Variants in SSBP2 observed in about 807,000 individuals in gnomAD.
The protein encoded by SSBP2 is single-stranded DNA-binding protein 2.
In SSBP2, 17 loss-of-function variants were observed where a neutral mutation model predicts 61.8. That is an observed-to-expected ratio of 0.28 (90% CI 0.19 to 0.41). SSBP2 has a LOEUF of 0.41. Ranked by LOEUF, SSBP2 falls within the 10% of genes least tolerant of loss-of-function variation. SSBP2 has a pLI of 1.00. For missense variants in SSBP2, 310 were observed against 458.7 expected, an observed-to-expected ratio of 0.68 and a Z score of 2.96; for synonymous variants, 139 against 141.3, an observed-to-expected ratio of 0.98 and a Z score of 0.12.
intron 2 of SSBP2, among the ~76,000 whole-genome samples, chr5:81,649,707 A>C (rs917268827): frequency 1.3e-5 from 2 of 151,840 alleles, no homozygotes; most frequent in Non-Finnish European, 2.9e-5. Context: ...TCTATACCCT[A>C]AATCTCAGCA....
At chr5:81,439,427 T>C (rs532818340) in intron 14 of SSBP2, among the ~76,000 whole-genome samples, 1 of 152,262 alleles carries the variant, frequency 6.6e-6, no homozygotes, top group Admixed American at 6.5e-5. Flanking sequence ...TTTCTCACTA[T>C]TGTTAAAATT....
chr5:81,702,365 C>T (rs966221038), intron 1 of SSBP2, among the ~76,000 whole-genome samples: 1 of 151,606 alleles, frequency 6.6e-6, no homozygotes, highest in African/African-American at 2.4e-5. Flanking sequence ...GCGAGACTCC[C>T]ATCTCAAAAA....
At chr5:81,482,857 C>A (rs927713477) in intron 6 of SSBP2, among the ~76,000 whole-genome samples, 1 of 152,170 alleles carries the variant, frequency 6.6e-6, no homozygotes, top group Admixed American at 6.6e-5. Flanking sequence ...TTTGGCTTAT[C>A]TTGGCTTTTG....
chr5:81,745,669 T>C (rs1210703942), intron 1 of SSBP2, among the ~76,000 whole-genome samples: 1 of 152,080 alleles, frequency 6.6e-6, no homozygotes, highest in Non-Finnish European at 1.5e-5. Flanking sequence ...TCCAAAATAA[T>C]TTTGAAATCC....
intron 1 of SSBP2, among the ~76,000 whole-genome samples, chr5:81,748,507 TAA>T (rs1453014464): frequency 1.3e-5 from 2 of 152,118 alleles, no homozygotes; most frequent in Non-Finnish European, 2.9e-5. Flanking sequence ...AAGATGAAAT[TAA>T]GTTTATTCTA....
intron 1 of SSBP2, among the ~76,000 whole-genome samples, chr5:81,742,805 G>A (rs1314070437): frequency 6.6e-6 from 1 of 152,114 alleles, no homozygotes; most frequent in African/African-American, 2.4e-5. Context: ...GAACCTGGGG[G>A]GTGTGTGGAA....
chr5:81,474,671 G>T, intron 6 of SSBP2, 109 bp from the exon 7 acceptor site: 1 of 749,832 alleles, frequency 1.3e-6, no homozygotes, highest in Non-Finnish European at 2.0e-6. Context: ...GAATGCATTT[G>T]AGTATTTCTC....
intron 15 of SSBP2, 67 bp downstream of exon 15, chr5:81,437,363 T>C: frequency 6.9e-7 from 1 of 1,454,588 alleles, no homozygotes; most frequent in Admixed American, 2.2e-5. Context: ...TTTACTCTAA[T>C]AATTTTAATG....
At chr5:81,482,700 T>C (rs183642347) in intron 6 of SSBP2, among the ~76,000 whole-genome samples, 82 of 152,320 alleles carry the variant, frequency 5.4e-4, no homozygotes, top group Admixed American at 2.4e-3. Flanking sequence ...TGATCTTCTG[T>C]CCAGACCATA....
chr5:81,722,466 G>A (rs1473802589), intron 1 of SSBP2, among the ~76,000 whole-genome samples: 1 of 146,772 alleles, frequency 6.8e-6, no homozygotes, highest in Non-Finnish European at 1.5e-5. Context: ...CTCATTTCTG[G>A]GCTAGGAGAC....
intron 15 of SSBP2, among the ~76,000 whole-genome samples, chr5:81,430,405 CT>C (rs968168238): frequency 2.6e-5 from 4 of 152,104 alleles, no homozygotes; most frequent in African/African-American, 9.7e-5. Flanking sequence ...AAAATGAACC[CT>C]CTTATTCTTG....
chr5:81,651,621 TCTCAA>T (rs1278093622), intron 1 of SSBP2, among the ~76,000 whole-genome samples: 2 of 152,094 alleles, frequency 1.3e-5, no homozygotes, highest in Non-Finnish European at 2.9e-5. Flanking sequence ...CATCAGTGCT[TCTCAA>T]CTCTTTTTCC....
At chr5:81,459,169 T>C (rs1461363852) in intron 10 of SSBP2, among the ~76,000 whole-genome samples, 2 of 152,198 alleles carry the variant, frequency 1.3e-5, no homozygotes, top group Non-Finnish European at 2.9e-5. Flanking sequence ...TAACTGCTAG[T>C]GTGTTATAGC....
chr5:81,730,229 A>G (rs1756164622), intron 1 of SSBP2, among the ~76,000 whole-genome samples: 1 of 152,140 alleles, frequency 6.6e-6, no homozygotes, highest in Non-Finnish European at 1.5e-5. Flanking sequence ...TACTTTTAAA[A>G]GAATTTTTTT....
intron 15 of SSBP2, among the ~76,000 whole-genome samples, chr5:81,436,358 A>C (rs1293721422): frequency 1.3e-5 from 2 of 151,998 alleles, no homozygotes; most frequent in African/African-American, 2.4e-5. Flanking sequence ...ACTCATTATA[A>C]ATATTTATCT....
At chr5:81,541,204 T>A (rs1392414210) in intron 4 of SSBP2, among the ~76,000 whole-genome samples, 1 of 152,026 alleles carries the variant, frequency 6.6e-6, no homozygotes, top group East Asian at 1.9e-4. Flanking sequence ...CAGGAATACA[T>A]CTAACCAAGT....
At chr5:81,725,658 C>T (rs1366970519) in intron 1 of SSBP2, among the ~76,000 whole-genome samples, 1 of 152,070 alleles carries the variant, frequency 6.6e-6, no homozygotes, top group East Asian at 1.9e-4. Flanking sequence ...CACTGACATA[C>T]CTAGAGCAGT....
At chr5:81,738,565 C>G (rs1303005861) in intron 1 of SSBP2, among the ~76,000 whole-genome samples, 1 of 152,174 alleles carries the variant, frequency 6.6e-6, no homozygotes, top group Non-Finnish European at 1.5e-5. Context: ...CATCTTCCTC[C>G]TTACACCTTT....
chr5:81,679,009 T>G (rs959473979), intron 1 of SSBP2, among the ~76,000 whole-genome samples: 2 of 152,116 alleles, frequency 1.3e-5, no homozygotes, highest in Admixed American at 6.6e-5. Flanking sequence ...ATAAAATTTT[T>G]TATTTATTTA....
Sources: gnomAD v4.1 joint callset for allele counts (sites outside exome capture counted in the v4.1 genomes callset) on GRCh38, gnomAD v4.1.1 for gene constraint, MANE v1.5 for transcripts, NCBI Gene and HGNC (gene_info 2026-07-23, HGNC 2026-07-21) for gene names.